The following STIM1 variants were observed in gnomAD, a reference collection of about 807,000 sequenced individuals.
STIM1 encodes stromal interaction molecule 1.
STIM1 carries 25 observed loss-of-function variants against 74.7 expected under a neutral mutation model. That is an observed-to-expected ratio of 0.33 (90% CI 0.24 to 0.47). The LOEUF (loss-of-function observed/expected upper bound fraction) is 0.47. Ranked by LOEUF, STIM1 falls within the 20% of genes least tolerant of loss-of-function variation. The pLI, the probability that STIM1 is intolerant of heterozygous loss-of-function variation, is 1.00. For synonymous variants in STIM1, 328 were observed against 348.8 expected (o/e 0.94, Z 0.66); for missense variants, 728 against 920.8 (o/e 0.79, Z 2.71).
At chr11:3,984,605 A>G (rs963426117) in intron 2 of STIM1, among the ~76,000 whole-genome samples, 23 of 152,278 alleles carry the variant, frequency 1.5e-4, no homozygotes, top group African/African-American at 4.8e-4. Context: ...TATTTGGCCC[A>G]GCTCATACAT....
intron 1 of STIM1, among the ~76,000 whole-genome samples, chr11:3,933,239 G>T (rs150107605): frequency 6.6e-6 from 1 of 152,182 alleles, no homozygotes; most frequent in Non-Finnish European, 1.5e-5. Context: ...ATGGGACCAC[G>T]TTTCCCCAAT....
chr11:3,948,561 A>G (rs147595691), intron 1 of STIM1, among the ~76,000 whole-genome samples: 96 of 152,318 alleles, frequency 6.3e-4, no homozygotes, highest in African/African-American at 2.1e-3. Context: ...TAGCTCTACA[A>G]TAACAAATTA....
intron 1 of STIM1, among the ~76,000 whole-genome samples, chr11:3,911,445 C>T (rs554282041): frequency 1.3e-5 from 2 of 152,250 alleles, no homozygotes; most frequent in African/African-American, 4.8e-5. Context: ...CAGGGTCTCA[C>T]TCTGTTGCCC....
At chr11:3,892,680 G>A in intron 1 of STIM1, 1 of 1,612,142 alleles carries the variant, frequency 6.2e-7, no homozygotes, top group Middle Eastern at 1.7e-4. Context: ...GTGCCATTAT[G>A]GTGTGTGAAG....
chr11:4,030,963 T>C (rs1186738388), intron 3 of STIM1, among the ~76,000 whole-genome samples: 1 of 152,126 alleles, frequency 6.6e-6, no homozygotes, highest in East Asian at 1.9e-4. Context: ...ATTTTTAAGA[T>C]TTTGGTACAT....
chr11:4,070,618 A>T (rs1378140541), intron 6 of STIM1, among the ~76,000 whole-genome samples: 2 of 152,200 alleles, frequency 1.3e-5, no homozygotes, highest in African/African-American at 4.8e-5. Flanking sequence ...GTTCTTTCTT[A>T]TAAGGAGTCT....
At chr11:3,936,477 C>T (rs1213778822) in intron 1 of STIM1, among the ~76,000 whole-genome samples, 1 of 152,224 alleles carries the variant, frequency 6.6e-6, no homozygotes, top group Admixed American at 6.5e-5. Flanking sequence ...GAAGGCAGAA[C>T]AACGTGCCTT....
At chr11:3,999,438 T>C (rs1324314573) in intron 2 of STIM1, among the ~76,000 whole-genome samples, 1 of 152,182 alleles carries the variant, frequency 6.6e-6, no homozygotes, top group African/African-American at 2.4e-5. Flanking sequence ...AGGAAGGTAC[T>C]TAGGAAGTTA....
At chr11:3,933,528 A>C (rs1411283962) in intron 1 of STIM1, among the ~76,000 whole-genome samples, 1 of 152,166 alleles carries the variant, frequency 6.6e-6, no homozygotes, top group Non-Finnish European at 1.5e-5. Context: ...CAATGTAGTT[A>C]CAGACTTCAG....
Position 4,070,100 on chromosome 11 carries a change from G to C in STIM1, c.688G>C (p.Ala230Pro). The change falls in exon 6 of 13, where the codon GCC becomes CCC. Residue 230 changes from alanine to proline, a missense_variant. By Grantham distance (27) the Ala-to-Pro change is conservative (BLOSUM62 -1). Transcript: ENST00000526596. ...IVIGVGGCWF[A>P]YIQNRYSKEH... is the part of the protein sequence containing the mutation. ...TATTGGTGTGGGCGGCTGCTGGTTT[G>C]CCTATATCCAGAACCGTTACTCCAA... The C allele has an allele frequency of 3.1e-6, 5 of 1,614,214 alleles. No homozygotes were observed. Among genetic ancestry groups the C allele is most frequent in the Non-Finnish European group, 4.2e-6 (5 of 1,180,038 alleles).
At chr11:3,899,602 A>G (rs2092290746) in intron 1 of STIM1, among the ~76,000 whole-genome samples, 3 of 150,808 alleles carry the variant, frequency 2.0e-5, no homozygotes, top group Admixed American at 2.0e-4. Flanking sequence ...GCCAGTTTTC[A>G]AAGGGAATGC....
At chr11:4,016,540 C>G (rs1471370595) in intron 2 of STIM1, among the ~76,000 whole-genome samples, 2 of 152,234 alleles carry the variant, frequency 1.3e-5, no homozygotes, top group Non-Finnish European at 2.9e-5. Context: ...TGTCCATTAT[C>G]GGAGCTCAAA....
intron 3 of STIM1, among the ~76,000 whole-genome samples, chr11:4,036,483 G>A (rs2094103745): frequency 6.6e-6 from 1 of 152,188 alleles, no homozygotes; most frequent in African/African-American, 2.4e-5. Context: ...CAGTGTAAAA[G>A]TGTTCCTTTT....
At chr11:4,011,905 G>A (rs575518325) in intron 2 of STIM1, among the ~76,000 whole-genome samples, 116 of 152,274 alleles carry the variant, frequency 7.6e-4, no homozygotes, top group African/African-American at 2.2e-3. Context: ...TTTGTATAAG[G>A]TGTAAGGAAG....
chr11:3,952,025 G>A (rs1038914768), intron 1 of STIM1, among the ~76,000 whole-genome samples: 3 of 152,138 alleles, frequency 2.0e-5, no homozygotes, highest in Non-Finnish European at 2.9e-5. Context: ...GCACCTTTCA[G>A]TTGTCTCTAG....
chr11:3,952,699 C>T (rs138570146), intron 1 of STIM1, among the ~76,000 whole-genome samples: 78 of 152,302 alleles, frequency 5.1e-4, no homozygotes, highest in African/African-American at 1.9e-3. Context: ...TTGCCTAGTT[C>T]AGCTAGTTCA....
chr11:3,907,641 C>G (rs1266454674), intron 1 of STIM1, among the ~76,000 whole-genome samples: 1 of 152,174 alleles, frequency 6.6e-6, no homozygotes, highest in East Asian at 1.9e-4. Flanking sequence ...AAACGTAAAT[C>G]CAAATTATAT....
intron 1 of STIM1, among the ~76,000 whole-genome samples, chr11:3,879,672 A>G (rs532099842): frequency 6.6e-6 from 1 of 152,354 alleles, no homozygotes; most frequent in Non-Finnish European, 1.5e-5. Context: ...AATGTCATAT[A>G]TGTAATTAGG....
rs565941059 is a variant in STIM1, at chr11:4,027,451, A to T, written c.385+3464A>T. On this transcript the variant is annotated intron_variant, in intron 3 of 12. Coordinates refer to ENST00000526596, the MANE Select transcript of STIM1 (RefSeq NM_001382567.1). ...CTCAGCCTCCCGAGTAGCTGGGACT[A>T]CAGGTGTGTGCCAGTGCGCCCAGCT... Among the ~76,000 whole-genome samples the T allele has an allele frequency of 5.3e-5, 8 of 152,150 alleles. No individual in the cohort carries two copies. The South Asian group carries it at 1.7e-3, about 32-fold the overall frequency.
Sources: allele counts gnomAD v4.1 joint callset (sites outside exome capture counted in the v4.1 genomes callset), GRCh38; gene constraint gnomAD v4.1.1; transcripts MANE v1.5; gene names NCBI Gene and HGNC (gene_info 2026-07-23, HGNC 2026-07-21).